SRRM4: variants seen among roughly 807,000 people sequenced by gnomAD.
SRRM4 encodes the protein serine/arginine repetitive matrix 4, also known as serine/arginine repetitive matrix protein 4.
A neutral mutation model predicts 68.9 loss-of-function variants in SRRM4; 33 were observed. The observed-to-expected ratio is 0.48, with a 90% CI of 0.36 to 0.64. SRRM4 has a LOEUF of 0.64. Among genes scored for constraint, SRRM4 ranks in the 30% least tolerant of loss-of-function variants. The probability of loss-of-function intolerance (pLI) is 0.00; values close to 1 mark genes in which losing one functional copy is unlikely to be tolerated. For synonymous variants in SRRM4, 318 were observed against 318.8 expected, an observed-to-expected ratio of 1.00 and a Z score of 0.03; for missense variants, 817 against 827.1, an observed-to-expected ratio of 0.99 and a Z score of 0.15.
intron 8 of SRRM4, among the ~76,000 whole-genome samples, chr12:119,144,360 C>A (rs990429333): frequency 1.2e-4 from 18 of 152,090 alleles, no homozygotes; most frequent in African/African-American, 2.2e-4. Flanking sequence ...ATGACAAAAC[C>A]AAAACAGAAT....
chr12:119,154,235 C>T lies in SRRM4; in HGVS notation c.1392-8C>T. On this transcript the variant is annotated splice_region_variant and splice_polypyrimidine_tract_variant and intron_variant, in intron 11 of 12. Coordinates refer to ENST00000267260, the MANE Select transcript of SRRM4 (RefSeq NM_194286.4). The surrounding 1 kb of genome is among the most constrained non-coding windows in gnomAD (Gnocchi z 4.7). ...CCAGCTCCCCAGTAACCCCCCGCGC[C>T]CCTTCAGGGAGCGGGATCCCAAATA... 1 of 1,596,242 alleles carries T rather than the reference C, an allele frequency of 6.3e-7. No homozygotes were observed. Among genetic ancestry groups the T allele is most frequent in the Non-Finnish European group, 8.5e-7 (1 of 1,169,996 alleles).
rs1954513752 is a variant in SRRM4 at position 119,161,501 on chromosome 12, G to A, written c.*4703G>A. The A allele has an allele frequency of 6.6e-6, 1 of 152,102 alleles. No individual in the cohort carries two copies. Among genetic ancestry groups the A allele is most frequent in the Non-Finnish European group, 1.5e-5 (1 of 68,000 alleles). 9.4% of individuals were successfully genotyped at this position (152,102 alleles called of 1,614,324 possible). A position where few individuals can be genotyped will look rare whatever the true frequency, so the allele number is the denominator to read the frequency against. ...CTGTGTGTGTTTTTTTAGTTCTTTT[G>A]ATGGCTGTTGTTTTGCATTGTAAAT... On this transcript the variant is annotated 3_prime_UTR_variant, in exon 13 of 13. Coordinates refer to ENST00000267260, the MANE Select transcript of SRRM4 (RefSeq NM_194286.4).
intron 1 of SRRM4, among the ~76,000 whole-genome samples, chr12:119,052,990 G>A (rs1953754554): frequency 6.6e-6 from 1 of 152,196 alleles, no homozygotes; most frequent in African/African-American, 2.4e-5. Context: ...CATAGAAGCA[G>A]AATGAAATTT....
intron 1 of SRRM4, among the ~76,000 whole-genome samples, chr12:119,090,746 C>T (rs1205980350): frequency 6.6e-6 from 1 of 152,094 alleles, no homozygotes; most frequent in African/African-American, 2.4e-5. Context: ...CCCTACTGGA[C>T]CTCAGTTTCT....
intron 1 of SRRM4, among the ~76,000 whole-genome samples, chr12:119,096,016 G>T (rs1954042041): frequency 6.7e-6 from 1 of 149,348 alleles, no homozygotes; most frequent in Non-Finnish European, 1.5e-5. Context: ...TTTGTTCTCA[G>T]TTGATTTTTA....
rs746251055 is a variant in SRRM4, at chr12:119,102,409, T to A, written c.278+27T>A. Reference sequence around the variant, plus strand: ...TGAGATCCAATGAGGACGTTCAAGTTGAAGATACAGAAATAAAGTCTGCCT... The same window carrying A: ...TGAGATCCAATGAGGACGTTCAAGTAGAAGATACAGAAATAAAGTCTGCCT... On this transcript the variant is annotated intron_variant, in intron 2 of 12. Coordinates refer to ENST00000267260, the MANE Select transcript of SRRM4 (RefSeq NM_194286.4). 2.6e-5 allele frequency: 41 copies of A among 1,579,924 alleles called. No individual in the cohort carries two copies. The East Asian group carries it at 9.1e-4, about 35-fold the overall frequency.
chr12:119,097,425 T>G (rs772649151), intron 1 of SRRM4, among the ~76,000 whole-genome samples: 14 of 152,164 alleles, frequency 9.2e-5, no homozygotes, highest in Non-Finnish European at 1.8e-4. Flanking sequence ...ATCCATCCAT[T>G]TATTCATTTG....
chr12:119,114,989 T>C (rs1331753874), intron 3 of SRRM4, among the ~76,000 whole-genome samples: 1 of 151,610 alleles, frequency 6.6e-6, no homozygotes, highest in Non-Finnish European at 1.5e-5. Context: ...AGCATGAATA[T>C]TGAATTATTT....
At chr12:119,045,440 G>T (rs1953699574) in intron 1 of SRRM4, among the ~76,000 whole-genome samples, 1 of 151,914 alleles carries the variant, frequency 6.6e-6, no homozygotes. Flanking sequence ...CCAGGGCTTT[G>T]TCTCTGCCCC....
chr12:119,016,030 T>G (rs1953478924), intron 1 of SRRM4, among the ~76,000 whole-genome samples: 1 of 151,818 alleles, frequency 6.6e-6, no homozygotes, highest in Non-Finnish European at 1.5e-5. Flanking sequence ...AAGAATAGGA[T>G]GAGCACTTAA....
At chr12:119,115,371 AC>A (rs1954172661) in intron 3 of SRRM4, among the ~76,000 whole-genome samples, 1 of 152,116 alleles carries the variant, frequency 6.6e-6, no homozygotes, top group Admixed American at 6.5e-5. Flanking sequence ...CACTAACTAG[AC>A]TGAAAGCATC....
chr12:119,107,871 T>G (rs1404595748), intron 2 of SRRM4, among the ~76,000 whole-genome samples: 15 of 152,302 alleles, frequency 9.8e-5, no homozygotes, highest in African/African-American at 3.4e-4. Context: ...TGAATGTGTT[T>G]GCTCTTGCTT....
chr12:119,142,678 C>T (rs368167705), intron 8 of SRRM4, among the ~76,000 whole-genome samples: 97 of 152,298 alleles, frequency 6.4e-4, no homozygotes, highest in African/African-American at 2.2e-3. Flanking sequence ...CAGCCTAGCT[C>T]CCTCCAGGAT....
chr12:119,093,364 A>G (rs944306403), intron 1 of SRRM4, among the ~76,000 whole-genome samples: 3 of 151,878 alleles, frequency 2.0e-5, no homozygotes, highest in African/African-American at 7.3e-5. Flanking sequence ...AGCAGTTTAC[A>G]CTCTCCTAGA....
At chr12:119,037,236 A>G (rs977369668) in intron 1 of SRRM4, among the ~76,000 whole-genome samples, 16 of 152,200 alleles carry the variant, frequency 1.1e-4, no homozygotes, top group Admixed American at 2.0e-4. Context: ...AGAGAGATTT[A>G]CCAGAATAAA....
intron 9 of SRRM4, among the ~76,000 whole-genome samples, chr12:119,149,240 C>T (rs567217346): frequency 3.9e-5 from 6 of 152,194 alleles, no homozygotes; most frequent in Admixed American, 1.3e-4. Context: ...CCCAGCCACT[C>T]GGGAGGCTGA....
chr12:119,156,782 C>G lies in SRRM4; in HGVS notation c.1820C>G (p.Ser607Cys). ...AGCTACAGCTCAGCAGACAGCTACT[C>G]CAGCACGAGGCGCTAAGTGCCCCTG... Reference protein sequence around the residue: ...SRSYSSADSYSSTRR With the variant: ...SRSYSSADSYCSTRR The change falls in exon 13 of 13, where the codon TCC (serine) becomes TGC (cysteine). Residue 607 changes from serine to cysteine, a missense_variant. Ser to Cys is a moderately radical substitution (Grantham distance 112). Coordinates refer to ENST00000267260, the MANE Select transcript of SRRM4 (RefSeq NM_194286.4). 6.5e-7 allele frequency: 1 copy of G among 1,536,524 alleles called. No homozygotes were observed. The highest frequency in any genetic ancestry group is 2.0e-5 in the Admixed American group (1 of 50,578).
intron 1 of SRRM4, among the ~76,000 whole-genome samples, chr12:119,068,654 C>T (rs1272115123): frequency 1.3e-5 from 2 of 152,124 alleles, no homozygotes; most frequent in African/African-American, 2.4e-5. Context: ...GGAATCCACA[C>T]TGGCATGCCA....
At position 119,151,174 on chromosome 12, in the gene SRRM4, G is replaced by C; in HGVS notation, c.1234G>C (p.Ala412Pro). 1 of 1,613,962 alleles carries C rather than the reference G, an allele frequency of 6.2e-7. No homozygotes were observed. Among genetic ancestry groups the C allele is most frequent in the Non-Finnish European group, 8.5e-7 (1 of 1,179,900 alleles). ...CTCGTCCCGATCCCCAAATCCCAGG[G>C]CTTCCCCCAGGTACACCCAAAGCCG... ...SHSSRSPNPRASPRYTQSRST... is the reference protein window; with the variant it reads ...SHSSRSPNPRPSPRYTQSRST... Residue 412 changes from alanine (A) to proline (P), a missense_variant, in exon 10 of 13, where the codon GCT (alanine) becomes CCT (proline). Coordinates refer to ENST00000267260, the MANE Select transcript of SRRM4 (RefSeq NM_194286.4).
Sources: gnomAD v4.1 joint callset for allele counts (sites outside exome capture counted in the v4.1 genomes callset) on GRCh38, gnomAD v4.1.1 for gene constraint, Gnocchi (gnomAD v3.1) non-coding constraint, MANE v1.5 for transcripts, NCBI Gene and HGNC (gene_info 2026-07-23, HGNC 2026-07-21) for gene names.